IL1RAPL2: variants seen among roughly 807,000 people sequenced by gnomAD.
IL1RAPL2 encodes the protein interleukin 1 receptor accessory protein like 2, also known as X-linked interleukin-1 receptor accessory protein-like 2.
IL1RAPL2 carries 3 observed loss-of-function variants against 44.1 expected under a neutral mutation model. That is an observed-to-expected ratio of 0.07 (90% CI 0.03 to 0.18). The LOEUF (loss-of-function observed/expected upper bound fraction) is 0.18. IL1RAPL2 is among the 10% of genes least tolerant of loss of function. The pLI, the probability that IL1RAPL2 is intolerant of heterozygous loss-of-function variation, is 1.00. For synonymous variants in IL1RAPL2, 181 were observed against 178.8 expected (o/e 1.01, Z -0.10); for missense variants, 391 against 496.4 (o/e 0.79, Z 2.02).
intron 6 of IL1RAPL2, among the ~76,000 whole-genome samples, chrX:105,578,152 A>G (rs1262096670): frequency 9.3e-6 from 1 of 107,786 alleles, no homozygotes; most frequent in Non-Finnish European, 1.9e-5. Context: ...TGTCCAATGC[A>G]TACTTTATAA....
chrX:104,753,014 C>T (rs1932286092), intron 2 of IL1RAPL2, among the ~76,000 whole-genome samples: 1 of 110,327 alleles, frequency 9.1e-6, no homozygotes, highest in African/African-American at 3.3e-5. Flanking sequence ...TACATTCATC[C>T]TAGATGCTTT....
chrX:104,676,310 C>G (rs1930756177), intron 2 of IL1RAPL2, among the ~76,000 whole-genome samples: 1 of 111,389 alleles, frequency 9.0e-6, no homozygotes, highest in Admixed American at 9.5e-5. Context: ...GACAAAATCT[C>G]TCAGCCTTTG....
At chrX:105,182,078 AG>A (rs2033537742) in intron 2 of IL1RAPL2, among the ~76,000 whole-genome samples, 1 of 109,292 alleles carries the variant, frequency 9.1e-6, no homozygotes, top group Non-Finnish European at 1.9e-5. Flanking sequence ...AAAAAAAAAA[AG>A]AAAAAAGAAA....
chrX:105,292,704 ATTATT>A (rs2034623019), intron 5 of IL1RAPL2, among the ~76,000 whole-genome samples: 1 of 111,780 alleles, frequency 8.9e-6, no homozygotes, highest in Non-Finnish European at 1.9e-5. Context: ...ATTATAATTC[ATTATT>A]TTAAGTAAAT....
intron 2 of IL1RAPL2, among the ~76,000 whole-genome samples, chrX:105,194,593 C>A (rs782120953): frequency 2.7e-5 from 3 of 111,507 alleles, no homozygotes; most frequent in African/African-American, 9.8e-5. Flanking sequence ...TTGATTACAG[C>A]TGACAGTAAT....
intron 1 of IL1RAPL2, among the ~76,000 whole-genome samples, chrX:104,582,236 T>C (rs1221647117): frequency 1.8e-5 from 2 of 111,633 alleles, no homozygotes; most frequent in African/African-American, 6.5e-5. Context: ...CAGAAGTGCT[T>C]GAATTTGATT....
intron 2 of IL1RAPL2, among the ~76,000 whole-genome samples, chrX:105,065,049 T>C (rs1382749716): frequency 3.6e-5 from 4 of 112,401 alleles, no homozygotes; most frequent in Non-Finnish European, 5.6e-5. Flanking sequence ...GGACTGCATG[T>C]TATATAGTTT....
chrX:105,458,649 T>C (rs1489928123), intron 5 of IL1RAPL2, among the ~76,000 whole-genome samples: 1 of 111,476 alleles, frequency 9.0e-6, no homozygotes, highest in Non-Finnish European at 1.9e-5. Context: ...GGCCATCTCA[T>C]TACCCAGTTT....
intron 2 of IL1RAPL2, among the ~76,000 whole-genome samples, chrX:105,063,773 T>A (rs747281011): frequency 3.6e-5 from 4 of 112,273 alleles, no homozygotes; most frequent in Non-Finnish European, 5.6e-5. Context: ...AGCCCAGTAA[T>A]GCTTTGGTTC....
chrX:105,493,423 CTTG>C (rs1270098989), intron 6 of IL1RAPL2, among the ~76,000 whole-genome samples: 6 of 111,833 alleles, frequency 5.4e-5, no homozygotes, highest in Non-Finnish European at 9.4e-5. Flanking sequence ...CTTGAAAGCA[CTTG>C]TTATTTTTTT....
intron 2 of IL1RAPL2, among the ~76,000 whole-genome samples, chrX:104,848,951 T>C (rs895637842): frequency 9.0e-6 from 1 of 111,366 alleles, no homozygotes; most frequent in African/African-American, 3.3e-5. Context: ...AACTTTAGAT[T>C]TTTCAATTAT....
chrX:104,961,866 A>C, intron 2 of IL1RAPL2, among the ~76,000 whole-genome samples: 1 of 112,388 alleles, frequency 8.9e-6, no homozygotes, highest in Middle Eastern at 4.6e-3. Context: ...GAGTGAATGA[A>C]TTCCGCAAGT....
At chrX:104,806,259 G>A (rs181750589) in intron 2 of IL1RAPL2, among the ~76,000 whole-genome samples, 2 of 112,521 alleles carry the variant, frequency 1.8e-5, no homozygotes, top group Admixed American at 9.4e-5. Flanking sequence ...CTATCTGAAT[G>A]TGTCTTATTT....
intron 1 of IL1RAPL2, among the ~76,000 whole-genome samples, chrX:104,582,614 TTCTTTCTTTCTTTCTTTCTTTCTTTCTC>T (rs1569487447): frequency 2.9e-3 from 121 of 41,368 alleles, no homozygotes; most frequent in African/African-American, 9.1e-3. Flanking sequence ...CTTTCTTTCT[TTCTTTCTTTCTTTCTTTCTTTCTTTCTC>T]TCTTTCTTTC....
At chrX:105,554,721 A>G (rs2147804374) in intron 6 of IL1RAPL2, among the ~76,000 whole-genome samples, 1 of 111,267 alleles carries the variant, frequency 9.0e-6, no homozygotes, top group East Asian at 2.8e-4. Flanking sequence ...TTGACCATCC[A>G]GTGAATTTTT....
intron 2 of IL1RAPL2, among the ~76,000 whole-genome samples, chrX:105,056,539 T>C (rs770791872): frequency 8.9e-5 from 10 of 111,837 alleles, no homozygotes; most frequent in Non-Finnish European, 1.7e-4. Context: ...GTTAAGATCA[T>C]CTAAACCACA....
At chrX:104,838,911 G>A (rs1188220783) in intron 2 of IL1RAPL2, among the ~76,000 whole-genome samples, 22 of 93,338 alleles carry the variant, frequency 2.4e-4, no homozygotes, top group Admixed American at 3.9e-4. Flanking sequence ...GTGCAGTGGC[G>A]TGATCTTGAC....
chrX:104,893,063 G>A (rs1264130398), intron 2 of IL1RAPL2, among the ~76,000 whole-genome samples: 1 of 111,964 alleles, frequency 8.9e-6, no homozygotes, highest in Non-Finnish European at 1.9e-5. Context: ...TAGTCATTCA[G>A]GAGCAGGTTG....
chrX:105,304,505 T>C (rs2034719862), intron 5 of IL1RAPL2, among the ~76,000 whole-genome samples: 2 of 112,333 alleles, frequency 1.8e-5, no homozygotes, highest in Non-Finnish European at 3.8e-5. Flanking sequence ...AAAACTCTTG[T>C]GTCAGATTCT....
Sources: gnomAD v4.1 joint callset for allele counts (sites outside exome capture counted in the v4.1 genomes callset) on GRCh38, gnomAD v4.1.1 for gene constraint, MANE v1.5 for transcripts, NCBI Gene and HGNC (gene_info 2026-07-23, HGNC 2026-07-21) for gene names.